The following SLCO5A1 variants were observed in gnomAD, a reference collection of about 807,000 sequenced individuals.
SLCO5A1 encodes the protein solute carrier organic anion transporter family member 5A1.
SLCO5A1 carries 39 observed loss-of-function variants against 65.1 expected under a neutral mutation model. The observed-to-expected ratio is 0.60, with a 90% CI of 0.46 to 0.78. SLCO5A1 has a LOEUF of 0.78. Ranked by LOEUF, SLCO5A1 falls within the 30% of genes least tolerant of loss-of-function variation. The probability of loss-of-function intolerance (pLI) is 0.00; values close to 1 mark genes in which losing one functional copy is unlikely to be tolerated. For missense variants in SLCO5A1, 1,029 were observed against 1,069.4 expected, an observed-to-expected ratio of 0.96 and a Z score of 0.53; for synonymous variants, 438 against 415.7, an observed-to-expected ratio of 1.05 and a Z score of -0.65.
At chr8:69,693,012 T>C (rs1814340322) in intron 6 of SLCO5A1, among the ~76,000 whole-genome samples, 1 of 152,180 alleles carries the variant, frequency 6.6e-6, no homozygotes, top group South Asian at 2.1e-4. Flanking sequence ...GCCAGCACAG[T>C]AGGTTTCTTT....
At chr8:69,680,670 G>C (rs1173027429) in intron 7 of SLCO5A1, among the ~76,000 whole-genome samples, 1 of 152,190 alleles carries the variant, frequency 6.6e-6, no homozygotes. Flanking sequence ...TTGCTGGGTT[G>C]AGTGGTCGTT....
In SLCO5A1 at chr8:69,752,851, C is replaced by A. The variant is rs532738656; in HGVS notation, c.1258+2573G>T. On this transcript the variant is annotated intron_variant, in intron 4 of 9. Transcript: ENST00000260126. ...ATAGGGTAAAAAAAGGAGACTTTATCAAAAATACTAACAAGAAAATCAGAA... is the reference window on the plus strand; with the variant it reads ...ATAGGGTAAAAAAAGGAGACTTTATAAAAAATACTAACAAGAAAATCAGAA... 1.2e-4 allele frequency among the ~76,000 whole-genome samples: 19 copies of A among 152,254 alleles called. No individual in the cohort carries two copies. In the South Asian group the frequency reaches 3.5e-3, roughly 28 times the overall value.
chr8:69,672,885 A>G lies in SLCO5A1; in HGVS notation c.2531T>C (p.Leu844Ser). ...TTTCAAGCTTCAGGAGGGCGGCTCC[A>G]AGGCAGCGGGGCTCTCTTCCAGCCC... ...DPGLEESPAA[L>S]EPPS Residue 844 changes from leucine to serine, a missense_variant, in exon 10 of 10, where the codon TTG (leucine) becomes TCG (serine). Around this residue, in one of 3 missense-constraint regions of SLCO5A1, gnomAD observed 258 missense variants for 237.4 expected, o/e 1.09. Coordinates refer to ENST00000260126, the MANE Select transcript of SLCO5A1 (RefSeq NM_030958.3). 1 of 1,609,750 alleles carries G rather than the reference A, an allele frequency of 6.2e-7. No individual in the cohort carries two copies. Among genetic ancestry groups the G allele is most frequent in the Non-Finnish European group, 8.5e-7 (1 of 1,176,558 alleles).
In SLCO5A1 at chr8:69,832,840, C is replaced by A; in HGVS notation, c.-167G>T. The A allele has an allele frequency of 1.4e-6, 1 of 723,798 alleles. No individual in the cohort carries two copies. The allele number at this position is 723,798 out of a possible 1,614,324, so 44.8% of individuals were successfully genotyped here. A position where few individuals can be genotyped will look rare whatever the true frequency, so the allele number is the denominator to read the frequency against. The stretch of plus-strand genomic sequence containing the variant: ...GGCATCCTCACCAGCTGCGAGGCGC[C>A]CAGTGCATCCTGATCACAGACACGG... On this transcript the variant is annotated 5_prime_UTR_variant, in exon 2 of 10. Coordinates refer to ENST00000260126, the MANE Select transcript of SLCO5A1 (RefSeq NM_030958.3). This position sits in a 1 kb window ranked among gnomAD's most constrained non-coding sequence, Gnocchi z 4.5.
At chr8:69,702,393 C>T (rs1814779208) in intron 6 of SLCO5A1, among the ~76,000 whole-genome samples, 1 of 152,200 alleles carries the variant, frequency 6.6e-6, no homozygotes, top group Admixed American at 6.5e-5. Flanking sequence ...TCTAATTCCA[C>T]TCCAGAGCCT....
intron 4 of SLCO5A1, among the ~76,000 whole-genome samples, chr8:69,753,195 G>A (rs1817394899): frequency 1.3e-5 from 2 of 152,102 alleles, no homozygotes; most frequent in African/African-American, 4.8e-5. Flanking sequence ...TGGAGAGTGT[G>A]GTCGAAGTGC....
chr8:69,830,762 T>C (rs536062832), intron 2 of SLCO5A1, among the ~76,000 whole-genome samples: 17 of 152,276 alleles, frequency 1.1e-4, no homozygotes, highest in African/African-American at 4.1e-4. Flanking sequence ...CAAGCACCCC[T>C]GTCCACTGAT....
At chr8:69,805,086 G>GGA (rs1376749660) in intron 2 of SLCO5A1, among the ~76,000 whole-genome samples, 2 of 151,812 alleles carry the variant, frequency 1.3e-5, no homozygotes, top group Non-Finnish European at 2.9e-5. Context: ...AAAAAGCAAT[G>GGA]GAGTGCACAT....
chr8:69,705,587 C>T (rs890930259), intron 5 of SLCO5A1, among the ~76,000 whole-genome samples: 1 of 152,162 alleles, frequency 6.6e-6, no homozygotes. Context: ...AGGTGATGCA[C>T]TTAACACATA....
intron 3 of SLCO5A1, among the ~76,000 whole-genome samples, chr8:69,758,898 A>G (rs7815508): frequency 3.9e-5 from 6 of 152,170 alleles, no homozygotes; most frequent in Non-Finnish European, 8.8e-5. Flanking sequence ...CAGTTAAGAG[A>G]GTGAACTGAG....
At chr8:69,764,082 C>T (rs1303707083) in intron 2 of SLCO5A1, among the ~76,000 whole-genome samples, 2 of 152,098 alleles carry the variant, frequency 1.3e-5, no homozygotes, top group South Asian at 2.1e-4. Context: ...CCATACTGGT[C>T]GCGAACTCCT....
intron 2 of SLCO5A1, among the ~76,000 whole-genome samples, chr8:69,808,190 G>A (rs1372328010): frequency 6.8e-6 from 1 of 147,938 alleles, no homozygotes; most frequent in Admixed American, 6.8e-5. Context: ...TTTTATTTTA[G>A]GTTCAGGAGT....
At chr8:69,777,017 T>A (rs1249010566) in intron 2 of SLCO5A1, among the ~76,000 whole-genome samples, 1 of 152,030 alleles carries the variant, frequency 6.6e-6, no homozygotes, top group Non-Finnish European at 1.5e-5. Flanking sequence ...TCTTAAGGAG[T>A]CAAACATATA....
intron 2 of SLCO5A1, among the ~76,000 whole-genome samples, chr8:69,781,639 G>GTTTTTGT (rs369608082): frequency 1.9e-4 from 29 of 151,720 alleles, no homozygotes; most frequent in African/African-American, 3.1e-4. Context: ...ATCCTTTTTT[G>GTTTTTGT]TTTTTGTTTT....
intron 5 of SLCO5A1, among the ~76,000 whole-genome samples, chr8:69,710,567 A>G (rs367564491): frequency 6.6e-6 from 1 of 152,148 alleles, no homozygotes; most frequent in Non-Finnish European, 1.5e-5. Context: ...CATGCTATCA[A>G]TGTGATTAAT....
At chr8:69,742,100 G>GT (rs1816810563) in intron 4 of SLCO5A1, among the ~76,000 whole-genome samples, 1 of 152,188 alleles carries the variant, frequency 6.6e-6, no homozygotes, top group Non-Finnish European at 1.5e-5. Flanking sequence ...ATTAGGGACA[G>GT]TAGAGTACCA....
chr8:69,737,891 G>T, intron 5 of SLCO5A1, 149 bp downstream of exon 5: 1 of 743,486 alleles, frequency 1.3e-6, no homozygotes, highest in Non-Finnish European at 2.0e-6. Context: ...ACACTTTCCA[G>T]GATTTCCTCC....
At position 69,722,776 on chromosome 8, in the gene SLCO5A1, G is replaced by GGTGTGTGTGTGTGTGTGT. The variant is rs56353428; in HGVS notation, c.1423+15246_1423+15263dup. On this transcript the variant is annotated intron_variant, in intron 5 of 9. Coordinates refer to ENST00000260126, the MANE Select transcript of SLCO5A1 (RefSeq NM_030958.3). ...TGATGAGATTTGTTAACACATGCATGGTGTGTGTGTGTGTGTGTGTGTGTG... is the reference window on the plus strand; with the variant it reads ...TGATGAGATTTGTTAACACATGCATGGTGTGTGTGTGTGTGTGTGTGTGTGTGTGTGTGTGTGTGTGTG... 1.4e-3 allele frequency among the ~76,000 whole-genome samples: 213 copies of GGTGTGTGTGTGTGTGTGT among 148,120 alleles called. 2 individuals carry two copies. The highest frequency in any genetic ancestry group is 5.2e-3 in the African/African-American group (209 of 40,304).
chr8:69,755,779 G>C, intron 3 of SLCO5A1, 138 bp from the exon 4 acceptor site: 1 of 669,654 alleles, frequency 1.5e-6, no homozygotes, highest in Non-Finnish European at 2.5e-6. Flanking sequence ...AGGAAGTTGA[G>C]CAAACTAAGA....
Sources: allele counts gnomAD v4.1 joint callset (sites outside exome capture counted in the v4.1 genomes callset), GRCh38; gene constraint gnomAD v4.1.1; regional missense constraint gnomAD v4.1.1; non-coding constraint Gnocchi (gnomAD v3.1); transcripts MANE v1.5; gene names NCBI Gene and HGNC (gene_info 2026-07-23, HGNC 2026-07-21).